DIAPH3: variants seen among roughly 807,000 people sequenced by gnomAD.
DIAPH3 encodes protein diaphanous homolog 3.
A neutral mutation model predicts 144.3 loss-of-function variants in DIAPH3; 117 were observed. That is an observed-to-expected ratio of 0.81 (90% CI 0.70 to 0.95). The LOEUF (loss-of-function observed/expected upper bound fraction) is 0.95. Among genes scored for constraint, DIAPH3 ranks in the 40% least tolerant of loss-of-function variants. DIAPH3 has a pLI of 0.00. For synonymous variants in DIAPH3, 519 were observed against 488.9 expected, an observed-to-expected ratio of 1.06 and a Z score of -0.81; for missense variants, 1,421 against 1,412.7, an observed-to-expected ratio of 1.01 and a Z score of -0.09.
chr13:59,927,778 T>G lies in DIAPH3; in HGVS notation c.2075-2908A>C, dbSNP rs140943777. On this transcript the variant is annotated intron_variant, in intron 17 of 27. Transcript: ENST00000400324. ...GGTCTGATGGGCATTCTCTTATATG[T>G]GACTTGACACTTTTCTCTTGCTATT... 5.0e-4 allele frequency among the ~76,000 whole-genome samples: 76 copies of G among 152,354 alleles called. 1 individual carries two copies. Among genetic ancestry groups the G allele is most frequent in the Non-Finnish European group, 8.8e-4 (60 of 68,030 alleles).
At chr13:59,822,691 T>C (rs1020737907) in intron 24 of DIAPH3, among the ~76,000 whole-genome samples, 1 of 152,048 alleles carries the variant, frequency 6.6e-6, no homozygotes, top group Non-Finnish European at 1.5e-5. Flanking sequence ...ATCCACCCAC[T>C]CGGCCTCCCA....
chr13:60,067,722 C>A (rs1376123865), intron 4 of DIAPH3, among the ~76,000 whole-genome samples: 1 of 152,062 alleles, frequency 6.6e-6, no homozygotes, highest in East Asian at 1.9e-4. Context: ...ATATGGTTTT[C>A]TAAACAATTT....
chr13:59,848,112 A>G (rs560272837), intron 22 of DIAPH3, among the ~76,000 whole-genome samples: 2 of 152,092 alleles, frequency 1.3e-5, no homozygotes, highest in African/African-American at 2.4e-5. Context: ...TCCCGATCCA[A>G]GCCAACATTA....
intron 20 of DIAPH3, among the ~76,000 whole-genome samples, chr13:59,892,228 T>A (rs932535097): frequency 1.3e-5 from 2 of 151,838 alleles, no homozygotes; most frequent in African/African-American, 2.4e-5. Flanking sequence ...AAAACTTCTA[T>A]AAGGAAGTGG....
At chr13:59,955,843 T>C (rs187761062) in intron 17 of DIAPH3, among the ~76,000 whole-genome samples, 2 of 152,308 alleles carry the variant, frequency 1.3e-5, no homozygotes, top group Admixed American at 1.3e-4. Context: ...AATGAGGAAC[T>C]TGTTGAGAAC....
chr13:59,690,840 A>T (rs1157699264), intron 27 of DIAPH3, among the ~76,000 whole-genome samples: 1 of 152,230 alleles, frequency 6.6e-6, no homozygotes, highest in Non-Finnish European at 1.5e-5. Context: ...AGGATGAACA[A>T]GATCTTAGGC....
At chr13:59,866,675 A>G (rs1429254263) in intron 21 of DIAPH3, among the ~76,000 whole-genome samples, 1 of 152,118 alleles carries the variant, frequency 6.6e-6, no homozygotes, top group African/African-American at 2.4e-5. Flanking sequence ...TACTGCTGAC[A>G]AAATATCATA....
intron 25 of DIAPH3, among the ~76,000 whole-genome samples, chr13:59,789,379 C>G (rs559716736): frequency 1.3e-5 from 2 of 152,126 alleles, no homozygotes; most frequent in African/African-American, 2.4e-5. Context: ...CAAATGCTTA[C>G]TTCGCATTGA....
chr13:59,825,997 C>T (rs2041391016), intron 24 of DIAPH3, among the ~76,000 whole-genome samples: 2 of 152,108 alleles, frequency 1.3e-5, no homozygotes, highest in Admixed American at 1.3e-4. Context: ...ATGCTAAAAA[C>T]TCTCAATAAA....
intron 25 of DIAPH3, among the ~76,000 whole-genome samples, chr13:59,784,108 A>T (rs2038898829): frequency 6.6e-6 from 1 of 152,144 alleles, no homozygotes; most frequent in African/African-American, 2.4e-5. Flanking sequence ...TTAGAGGCGA[A>T]GTCTTGCTCT....
chr13:59,850,256 C>T (rs1049469727), intron 22 of DIAPH3, among the ~76,000 whole-genome samples: 2 of 151,102 alleles, frequency 1.3e-5, no homozygotes, highest in African/African-American at 2.4e-5. Context: ...ACAATCATGT[C>T]GTCTGCAAAC....
intron 23 of DIAPH3, 27 bp downstream of exon 23, chr13:59,839,295 CTT>C (rs772208098): frequency 1.9e-6 from 3 of 1,611,020 alleles, no homozygotes; most frequent in Non-Finnish European, 2.5e-6. Context: ...TGACTAGTGA[CTT>C]AAGTTATTTA....
chr13:60,008,701 T>C (rs1181666906), intron 8 of DIAPH3, 52 bp from the exon 9 acceptor site: 1 of 1,125,592 alleles, frequency 8.9e-7, no homozygotes. Context: ...ACAAATGCCA[T>C]AATACAATTG....
At chr13:59,673,776 C>T (rs2032500267) in intron 27 of DIAPH3, among the ~76,000 whole-genome samples, 1 of 152,176 alleles carries the variant, frequency 6.6e-6, no homozygotes, top group African/African-American at 2.4e-5. Flanking sequence ...ACTCAAGACA[C>T]TGATGTTCAG....
chr13:60,048,110 G>T (rs965368485), intron 4 of DIAPH3, among the ~76,000 whole-genome samples: 18 of 152,194 alleles, frequency 1.2e-4, no homozygotes, highest in Non-Finnish European at 2.4e-4. Flanking sequence ...CACAAAGCTT[G>T]GGGGATTCAC....
chr13:60,119,876 A>G (rs1399349233), intron 2 of DIAPH3, among the ~76,000 whole-genome samples: 1 of 152,142 alleles, frequency 6.6e-6, no homozygotes, highest in Non-Finnish European at 1.5e-5. Context: ...CCTATAGCAC[A>G]GTACCTGATA....
At chr13:59,907,672 G>C (rs189648589) in intron 20 of DIAPH3, among the ~76,000 whole-genome samples, 2 of 152,284 alleles carry the variant, frequency 1.3e-5, no homozygotes, top group East Asian at 3.9e-4. Context: ...GAGCTATCCT[G>C]ATCAAATGAG....
intron 22 of DIAPH3, 54 bp from the exon 23 acceptor site, chr13:59,839,502 G>C: frequency 6.5e-7 from 1 of 1,545,100 alleles, no homozygotes; most frequent in Admixed American, 1.8e-5. Context: ...ATATATAAAA[G>C]GTAAGACACC....
At chr13:59,931,524 C>A (rs78569532) in intron 17 of DIAPH3, among the ~76,000 whole-genome samples, 9 of 152,058 alleles carry the variant, frequency 5.9e-5, no homozygotes, top group Admixed American at 5.9e-4. Context: ...TGATATTGTC[C>A]CTCTTCCTCC....
Sources: allele counts gnomAD v4.1 joint callset (sites outside exome capture counted in the v4.1 genomes callset), GRCh38; gene constraint gnomAD v4.1.1; transcripts MANE v1.5; gene names NCBI Gene and HGNC (gene_info 2026-07-23, HGNC 2026-07-21).